SESN1: variants seen among roughly 807,000 people sequenced by gnomAD.
SESN1 encodes sestrin 1, also known as sestrin-1.
In SESN1, 30 loss-of-function variants were observed where a neutral mutation model predicts 59.3. That is an observed-to-expected ratio of 0.51 (90% CI 0.38 to 0.69). The LOEUF (loss-of-function observed/expected upper bound fraction) is 0.69. SESN1 is among the 30% of genes least tolerant of loss of function. The probability of loss-of-function intolerance (pLI) is 0.00; values close to 1 mark genes in which losing one functional copy is unlikely to be tolerated. For synonymous variants in SESN1, 197 were observed against 219.9 expected (o/e 0.90, Z 0.92); for missense variants, 566 against 673.0 (o/e 0.84, Z 1.76).
chr6:109,034,475 T>C (rs1361448942), intron 1 of SESN1, among the ~76,000 whole-genome samples: 2 of 152,234 alleles, frequency 1.3e-5, no homozygotes, highest in African/African-American at 2.4e-5. Context: ...ATTATTGATA[T>C]ATTTTCAAGA....
At position 109,002,300 on chromosome 6, in the gene SESN1, C is replaced by T. The variant is rs1418622558; in HGVS notation, c.323G>A (p.Ser108Asn). The T allele has an allele frequency of 4.3e-6, 7 of 1,613,252 alleles. No homozygotes were observed. The highest frequency in any genetic ancestry group is 5.1e-6 in the Non-Finnish European group (6 of 1,179,430). The change falls in exon 2 of 10, where the codon AGC becomes AAC. Residue 108 changes from serine (S) to asparagine (N), a missense_variant. Physicochemically the swap from Ser to Asn is conservative, Grantham distance 46. Transcript: ENST00000436639. ...TACCTCCTTTTCTGGGATGAATCTG[C>T]TTGGTCCCTGTCCTAGTGGTCGAGG... ...RIPRPLGQGP[S>N]RFIPEKEILQ...
intron 1 of SESN1, among the ~76,000 whole-genome samples, chr6:109,092,394 C>A (rs920549976): frequency 9.2e-5 from 14 of 152,194 alleles, no homozygotes; most frequent in African/African-American, 2.9e-4. Context: ...ATATTGAAAT[C>A]CTTTGATACT....
At chr6:109,042,025 T>G (rs1780351070) in intron 1 of SESN1, among the ~76,000 whole-genome samples, 1 of 151,860 alleles carries the variant, frequency 6.6e-6, no homozygotes, top group Non-Finnish European at 1.5e-5. Flanking sequence ...GAAATCACAC[T>G]AGAAGTAAAT....
At chr6:109,065,518 G>A (rs1043347152) in intron 1 of SESN1, among the ~76,000 whole-genome samples, 3 of 152,008 alleles carry the variant, frequency 2.0e-5, no homozygotes, top group Non-Finnish European at 4.4e-5. Context: ...GAAGACATAG[G>A]GAGAAAACTC....
At chr6:109,054,533 A>T (rs1466700544) in intron 1 of SESN1, among the ~76,000 whole-genome samples, 1 of 152,124 alleles carries the variant, frequency 6.6e-6, no homozygotes, top group Admixed American at 6.5e-5. Context: ...GCAGTGTATA[A>T]GAAAGCTCAT....
chr6:109,033,159 C>T (rs1161230912), intron 1 of SESN1, among the ~76,000 whole-genome samples: 2 of 152,010 alleles, frequency 1.3e-5, no homozygotes, highest in African/African-American at 2.4e-5. Context: ...TTAAGAGAAA[C>T]TTCTAGGATA....
intron 1 of SESN1, among the ~76,000 whole-genome samples, chr6:109,083,606 G>A (rs993749432): frequency 1.3e-5 from 2 of 152,156 alleles, no homozygotes; most frequent in Non-Finnish European, 1.5e-5. Flanking sequence ...GTCAGTCAAT[G>A]TATACCTTAA....
At chr6:109,036,448 G>A (rs1780249344) in intron 1 of SESN1, among the ~76,000 whole-genome samples, 1 of 152,106 alleles carries the variant, frequency 6.6e-6, no homozygotes, top group Non-Finnish European at 1.5e-5. Context: ...CACTAATATT[G>A]TTACACACTT....
chr6:109,051,160 C>T (rs1326114379), intron 1 of SESN1, among the ~76,000 whole-genome samples: 1 of 148,478 alleles, frequency 6.7e-6, no homozygotes, highest in Admixed American at 6.7e-5. Context: ...CAAAAAAAAA[C>T]AACAAAAAAA....
At chr6:108,993,644 A>G (rs1779439448) in intron 6 of SESN1, among the ~76,000 whole-genome samples, 1 of 152,204 alleles carries the variant, frequency 6.6e-6, no homozygotes, top group Non-Finnish European at 1.5e-5. Flanking sequence ...CCTGGTTTAT[A>G]TATTATCTCC....
At chr6:109,087,961 A>AGG (rs1176178762) in intron 1 of SESN1, 1 of 141,982 alleles carries the variant, frequency 7.0e-6, no homozygotes, top group Non-Finnish European at 1.5e-5. Context: ...ATGGGGGGGC[A>AGG]GGGGGCGGGT....
intron 1 of SESN1, among the ~76,000 whole-genome samples, chr6:109,090,810 A>G (rs1781304762): frequency 6.6e-6 from 1 of 152,162 alleles, no homozygotes; most frequent in Non-Finnish European, 1.5e-5. Context: ...CTCTGTCGCC[A>G]GAGGGCTGGA....
At chr6:109,038,908 A>AG (rs1780287995) in intron 1 of SESN1, among the ~76,000 whole-genome samples, 3 of 147,074 alleles carry the variant, frequency 2.0e-5, no homozygotes, top group African/African-American at 8.1e-5. Flanking sequence ...AGGAGAAAAA[A>AG]GGAAGGAGGA....
At position 108,986,536 on chromosome 6, in the gene SESN1, ATTTTCAAACCTGTTTGCAT is replaced by A. The variant is rs1348011951; in HGVS notation, c.*989_*1007del. On this transcript the variant is annotated 3_prime_UTR_variant, in exon 10 of 10. Transcript: ENST00000436639. ...CCAGAATACAAAGTACTTAATACATATTTTCAAACCTGTTTGCATTTCAAACAAAGTTAGCGTTTTTGTA... is the reference window on the plus strand; with the variant it reads ...CCAGAATACAAAGTACTTAATACATATTCAAACAAAGTTAGCGTTTTTGTA... 6 of 152,772 alleles carry A rather than the reference ATTTTCAAACCTGTTTGCAT, an allele frequency of 3.9e-5. No individual in the cohort carries two copies. The highest frequency in any genetic ancestry group is 1.4e-4 in the African/African-American group (6 of 41,588). 9.5% of individuals were successfully genotyped at this position (152,772 alleles called of 1,614,324 possible).
At chr6:109,073,974 G>A (rs576839652) in intron 1 of SESN1, among the ~76,000 whole-genome samples, 38 of 152,282 alleles carry the variant, frequency 2.5e-4, no homozygotes, top group South Asian at 2.1e-4. Context: ...ATACAGTCAC[G>A]TGTCACATAA....
At chr6:109,038,645 ATGCTCTGAG>A in intron 1 of SESN1, among the ~76,000 whole-genome samples, 1 of 152,360 alleles carries the variant, frequency 6.6e-6, no homozygotes, top group African/African-American at 2.4e-5. Context: ...TTAGGGGCAT[ATGCTCTGAG>A]TGGGATGTGG....
Position 109,001,533 on chromosome 6 carries a change from T to C in SESN1, c.346-45A>G, listed in dbSNP as rs558829842. ...CATGGTTACTGAAATGGTAAATTGG[T>C]GTTAAGGGAAGAAAATATACATGCG... On this transcript the variant is annotated intron_variant, in intron 2 of 9. Transcript: ENST00000436639. 1.5e-4 allele frequency: 228 copies of C among 1,542,328 alleles called. 2 individuals are homozygous for C. In the South Asian group the frequency reaches 2.5e-3, roughly 17 times the overall value.
At chr6:109,005,455 A>C (rs1779713639) in intron 1 of SESN1, among the ~76,000 whole-genome samples, 1 of 152,220 alleles carries the variant, frequency 6.6e-6, no homozygotes. Context: ...ATGTGGCCAG[A>C]TTGACAGCAC....
chr6:109,056,749 G>A (rs143629092), intron 1 of SESN1, among the ~76,000 whole-genome samples: 1 of 152,226 alleles, frequency 6.6e-6, no homozygotes, highest in African/African-American at 2.4e-5. Context: ...TGATGTGTAG[G>A]AGGCAGCTTA....
Sources: gnomAD v4.1 joint callset for allele counts (sites outside exome capture counted in the v4.1 genomes callset) on GRCh38, gnomAD v4.1.1 for gene constraint, MANE v1.5 for transcripts, NCBI Gene and HGNC (gene_info 2026-07-23, HGNC 2026-07-21) for gene names.